RTL4: variants seen among roughly 807,000 people sequenced by gnomAD.
RTL4 encodes the protein retrotransposon Gag like 4, also known as retrotransposon Gag-like protein 4.
RTL4 carries 4 observed loss-of-function variants against 5.3 expected under a neutral mutation model. The ratio of observed to expected loss-of-function variants is 0.75; its 90% CI spans 0.37 to 1.72. The LOEUF is 1.72. Among genes scored for constraint, RTL4 ranks in the 40% most tolerant of loss-of-function variants. RTL4 has a pLI of 0.04. For synonymous variants in RTL4, 98 were observed against 87.3 expected (o/e 1.12, Z -0.68); for missense variants, 260 against 227.1 (o/e 1.14, Z -0.93).
At chrX:112,124,067 A>C in the RTL4 span, among the ~76,000 whole-genome samples, 11 of 112,388 alleles carry the variant, frequency 9.8e-5, no homozygotes, top group Admixed American at 5.7e-4. Flanking sequence ...ATATGAAAAA[A>C]GCTCAAAATC....
the RTL4 span, among the ~76,000 whole-genome samples, chrX:112,326,847 C>A: frequency 1.8e-5 from 2 of 111,617 alleles, no homozygotes; most frequent in Admixed American, 9.5e-5. Flanking sequence ...GGTCCCTGAC[C>A]CCTGACCCCC....
At chrX:112,400,677 C>A in the RTL4 span, among the ~76,000 whole-genome samples, 6 of 111,975 alleles carry the variant, frequency 5.4e-5, no homozygotes, top group Non-Finnish European at 1.1e-4. Flanking sequence ...TGTTCTTGGA[C>A]ATGTACTTTA....
At chrX:112,162,687 A>G in the RTL4 span, among the ~76,000 whole-genome samples, 2 of 112,051 alleles carry the variant, frequency 1.8e-5, no homozygotes, top group Non-Finnish European at 3.8e-5. Context: ...GTTAATTATT[A>G]TTAACTCTAT....
chrX:112,236,443 CTATATA>C, the RTL4 span, among the ~76,000 whole-genome samples: 1 of 73,292 alleles, frequency 1.4e-5, no homozygotes, highest in Non-Finnish European at 2.4e-5. Context: ...AGATCTATAT[CTATATA>C]TAGATATAGA....
the RTL4 span, among the ~76,000 whole-genome samples, chrX:112,394,336 T>G: frequency 8.9e-6 from 1 of 111,804 alleles, no homozygotes; most frequent in Non-Finnish European, 1.9e-5. Flanking sequence ...CCATGAGAGA[T>G]GCACACACTA....
At chrX:112,359,434 A>G in the RTL4 span, among the ~76,000 whole-genome samples, 1 of 111,823 alleles carries the variant, frequency 8.9e-6, no homozygotes, top group Non-Finnish European at 1.9e-5. Context: ...GTCTCTGATA[A>G]CTATCATTCA....
the RTL4 span, among the ~76,000 whole-genome samples, chrX:112,356,579 GGTGTGTGTGTGTGTGT>G: frequency 1.0e-5 from 1 of 99,438 alleles, no homozygotes; most frequent in Non-Finnish European, 2.1e-5. Context: ...TTTGTTTTGG[GGTGTGTGTGTGTGTGT>G]GTGTGTGTGT....
At chrX:112,099,741 T>G in the RTL4 span, among the ~76,000 whole-genome samples, 1 of 111,508 alleles carries the variant, frequency 9.0e-6, no homozygotes, top group South Asian at 3.7e-4. Context: ...TTGGTTTTAT[T>G]TTTCAGAGAA....
chrX:112,234,105 T>C, the RTL4 span, among the ~76,000 whole-genome samples: 3 of 110,500 alleles, frequency 2.7e-5, no homozygotes, highest in African/African-American at 9.9e-5. Flanking sequence ...GGCAGGAGAA[T>C]GGAGTGAACC....
the RTL4 span, among the ~76,000 whole-genome samples, chrX:112,121,987 A>T: frequency 8.9e-6 from 1 of 111,855 alleles, no homozygotes; most frequent in Non-Finnish European, 1.9e-5. Flanking sequence ...GATTAAGGAG[A>T]TTTTAAAAAC....
At chrX:112,144,614 C>T in the RTL4 span, among the ~76,000 whole-genome samples, 1 of 111,484 alleles carries the variant, frequency 9.0e-6, no homozygotes, top group African/African-American at 3.3e-5. Flanking sequence ...GCGTAAACAA[C>T]ATACTAGTGC....
At chrX:112,098,310 T>C in the RTL4 span, among the ~76,000 whole-genome samples, 4 of 111,017 alleles carry the variant, frequency 3.6e-5, no homozygotes, top group African/African-American at 1.3e-4. Context: ...TATGGCTGCA[T>C]AGTATTCCAT....
the RTL4 span, among the ~76,000 whole-genome samples, chrX:112,109,667 T>G: frequency 1.8e-5 from 2 of 111,649 alleles, no homozygotes; most frequent in African/African-American, 6.5e-5. Flanking sequence ...GAGTGCTGAT[T>G]GGCACATTTT....
the RTL4 span, among the ~76,000 whole-genome samples, chrX:112,351,926 C>A: frequency 2.7e-5 from 3 of 111,320 alleles, no homozygotes; most frequent in Admixed American, 9.6e-5. Flanking sequence ...TTAGCTGGTT[C>A]TTTTGCTCTT....
chrX:112,200,376 T>C, the RTL4 span, among the ~76,000 whole-genome samples: 17 of 112,224 alleles, frequency 1.5e-4, no homozygotes, highest in Non-Finnish European at 1.3e-4. Flanking sequence ...TTTTGGCTGA[T>C]TTATTTATCA....
chrX:112,324,981 C>A, the RTL4 span, among the ~76,000 whole-genome samples: 1 of 111,619 alleles, frequency 9.0e-6, no homozygotes, highest in South Asian at 3.7e-4. Context: ...ATGCAAAAAT[C>A]ACAAGCATTC....
At chrX:112,218,038 A>G in the RTL4 span, among the ~76,000 whole-genome samples, 1 of 112,243 alleles carries the variant, frequency 8.9e-6, no homozygotes, top group Non-Finnish European at 1.9e-5. Flanking sequence ...AACAAAGTCT[A>G]AGCAGGTATA....
chrX:112,364,383 A>G, the RTL4 span, among the ~76,000 whole-genome samples: 6 of 111,791 alleles, frequency 5.4e-5, no homozygotes, highest in Admixed American at 1.9e-4. Flanking sequence ...TCTCCTGATA[A>G]AGGCATTGAG....
chrX:112,325,607 G>C, the RTL4 span, among the ~76,000 whole-genome samples: 1 of 112,106 alleles, frequency 8.9e-6, no homozygotes, highest in Admixed American at 9.5e-5. Flanking sequence ...TATATAGGAA[G>C]CTGAAACTGG....
Sources: gnomAD v4.1 joint callset for allele counts (sites outside exome capture counted in the v4.1 genomes callset) on GRCh38, gnomAD v4.1.1 for gene constraint, MANE v1.5 for transcripts, NCBI Gene and HGNC (gene_info 2026-07-23, HGNC 2026-07-21) for gene names.